The following ROBO2 variants were observed in gnomAD, a reference collection of about 807,000 sequenced individuals.
ROBO2 encodes the protein roundabout homolog 2.
Under a neutral mutation model 160.8 loss-of-function variants are expected in ROBO2, and 53 were observed. The observed-to-expected ratio is 0.33, with a 90% confidence interval of 0.26 to 0.41. The LOEUF (loss-of-function observed/expected upper bound fraction) is 0.41. Among genes scored for constraint, ROBO2 ranks in the 10% least tolerant of loss-of-function variants. ROBO2 has a pLI of 1.00. For synonymous variants in ROBO2, 664 were observed against 611.7 expected, an observed-to-expected ratio of 1.09 and a Z score of -1.26; for missense variants, 1,577 against 1,722.4, an observed-to-expected ratio of 0.92 and a Z score of 1.49.
At chr3:75,929,599 G>A (rs1273122254) in intron 1 of ROBO2, among the ~76,000 whole-genome samples, 1 of 151,850 alleles carries the variant, frequency 6.6e-6, no homozygotes, top group East Asian at 1.9e-4. Context: ...TCCCCTTCTT[G>A]CAAATTGTAC....
intron 16 of ROBO2, among the ~76,000 whole-genome samples, chr3:77,586,619 C>T (rs1332025231): frequency 2.0e-5 from 3 of 151,908 alleles, no homozygotes; most frequent in African/African-American, 7.2e-5. Flanking sequence ...TAGCAATACA[C>T]CTTGAGTAAC....
At chr3:77,439,991 A>C (rs1449163126) in intron 2 of ROBO2, among the ~76,000 whole-genome samples, 1 of 152,204 alleles carries the variant, frequency 6.6e-6, no homozygotes, top group Non-Finnish European at 1.5e-5. Flanking sequence ...CATAATATGC[A>C]AACAAAAAAT....
Position 77,521,681 on chromosome 3 carries a change from C to T in ROBO2, c.807-1094C>T, listed in dbSNP as rs1048393674. Among the ~76,000 whole-genome samples the T allele has an allele frequency of 3.3e-5, 5 of 151,212 alleles. No individual in the cohort carries two copies. In the East Asian group the frequency reaches 9.7e-4, roughly 29 times the overall value. ...GATTGGTAAATAGACAATGCTTTTT[C>T]TCATGTCAAGGTCTATAAATTAGGA... On this transcript the variant is annotated intron_variant, in intron 5 of 25. Coordinates refer to ENST00000461745, the Ensembl canonical transcript of ROBO2.
In ROBO2 at chr3:77,386,603, A is replaced by ATTTT. The variant is rs71104679; in HGVS notation, c.389-90797_389-90794dup. Among the ~76,000 whole-genome samples the ATTTT allele has an allele frequency of 1.6e-3, 150 of 91,898 alleles. 7 individuals are homozygous for ATTTT. Among genetic ancestry groups the ATTTT allele is most frequent in the Middle Eastern group, 8.2e-3 (1 of 122 alleles). The allele number at this position is 91,898 out of a possible 152,430, so 60.3% of individuals were successfully genotyped here. On this transcript the variant is annotated intron_variant, in intron 2 of 25. Transcript: ENST00000461745. ...AGTTAATTATTTTTTCAGCCAGGTA[A>ATTTT]TTTTTTTTTTTTTTTTTGAAATAGA...
At chr3:75,907,541 C>T (rs1237581747) in intron 1 of ROBO2, among the ~76,000 whole-genome samples, 1 of 152,074 alleles carries the variant, frequency 6.6e-6, no homozygotes, top group Non-Finnish European at 1.5e-5. Flanking sequence ...TGAGATGTGA[C>T]GGCAATATAG....
intron 2 of ROBO2, among the ~76,000 whole-genome samples, chr3:76,938,307 CTG>C (rs1577647315): frequency 6.6e-6 from 1 of 151,894 alleles, no homozygotes; most frequent in East Asian, 1.9e-4. Context: ...TGAGCCGAGA[CTG>C]TGCTTCTGCA....
chr3:76,762,008 AAC>A (rs2061333897), intron 2 of ROBO2, among the ~76,000 whole-genome samples: 1 of 66,478 alleles, frequency 1.5e-5, no homozygotes, highest in African/African-American at 5.5e-5. Flanking sequence ...AATAGAGAAA[AAC>A]AGTTTTTTTT....
intron 2 of ROBO2, among the ~76,000 whole-genome samples, chr3:77,463,726 G>A (rs562796250): frequency 9.9e-5 from 15 of 152,062 alleles, no homozygotes; most frequent in African/African-American, 3.1e-4. Flanking sequence ...GACTACAGGC[G>A]CACACCATTA....
chr3:75,947,899 C>G (rs1948377158), intron 2 of ROBO2, among the ~76,000 whole-genome samples: 1 of 151,944 alleles, frequency 6.6e-6, no homozygotes, highest in African/African-American at 2.4e-5. Flanking sequence ...TAGGGAAGAG[C>G]CAAATACTTC....
intron 2 of ROBO2, among the ~76,000 whole-genome samples, chr3:77,330,505 G>T (rs2065867934): frequency 1.3e-5 from 2 of 152,128 alleles, no homozygotes; most frequent in South Asian, 4.1e-4. Flanking sequence ...GCAACAGAGT[G>T]ATTTATTTAA....
At chr3:77,010,836 C>T (rs1428264155) in intron 2 of ROBO2, among the ~76,000 whole-genome samples, 8 of 64,090 alleles carry the variant, frequency 1.2e-4, no homozygotes, top group South Asian at 8.3e-4. Context: ...CTTCCTTCCT[C>T]CCTCCCTCCC....
At chr3:77,193,930 C>G (rs2082098443) in intron 2 of ROBO2, among the ~76,000 whole-genome samples, 1 of 150,274 alleles carries the variant, frequency 6.7e-6, no homozygotes, top group African/African-American at 2.4e-5. Flanking sequence ...AAGTATTCAT[C>G]TGTTTTTTAA....
chr3:76,004,609 G>A (rs1415817349), intron 2 of ROBO2, among the ~76,000 whole-genome samples: 1 of 152,028 alleles, frequency 6.6e-6, no homozygotes, highest in Admixed American at 6.6e-5. Context: ...TAGAAGGATG[G>A]GATATCTCCG....
At chr3:76,536,572 G>A (rs1263163479) in intron 2 of ROBO2, among the ~76,000 whole-genome samples, 1 of 152,026 alleles carries the variant, frequency 6.6e-6, no homozygotes, top group African/African-American at 2.4e-5. Flanking sequence ...AAGAGACCAT[G>A]TAATCTCACC....
rs770905306 is a variant in ROBO2, at chr3:77,514,531, A to C, written c.807-8244A>C. Among the ~76,000 whole-genome samples, 4 of 151,912 alleles carry C rather than the reference A, an allele frequency of 2.6e-5. No individual in the cohort carries two copies. In the East Asian group the frequency reaches 5.8e-4, roughly 22 times the overall value. On this transcript the variant is annotated intron_variant, in intron 5 of 25. Transcript: ENST00000461745. ...GTTAGAAAAATAAATGTACTTATAAAGAGTTCCAGTCACTTCATAACTTGA... is the reference window on the plus strand; with the variant it reads ...GTTAGAAAAATAAATGTACTTATAACGAGTTCCAGTCACTTCATAACTTGA...
At chr3:76,277,363 T>C (rs891733473) in intron 2 of ROBO2, among the ~76,000 whole-genome samples, 1 of 152,016 alleles carries the variant, frequency 6.6e-6, no homozygotes, top group Non-Finnish European at 1.5e-5. Flanking sequence ...ATTACAAGGT[T>C]ACAGTATACT....
intron 2 of ROBO2, among the ~76,000 whole-genome samples, chr3:76,372,494 G>A (rs1223373245): frequency 6.6e-6 from 1 of 151,878 alleles, no homozygotes; most frequent in Non-Finnish European, 1.5e-5. Flanking sequence ...AATATTTGAC[G>A]TCTCCAACTC....
intron 1 of ROBO2, among the ~76,000 whole-genome samples, chr3:75,910,612 T>C (rs1946535609): frequency 6.6e-6 from 1 of 152,182 alleles, no homozygotes; most frequent in Admixed American, 6.5e-5. Context: ...TGAAATTTAA[T>C]GCAGAAAAAC....
chr3:76,662,895 T>C (rs1193276297), intron 2 of ROBO2, among the ~76,000 whole-genome samples: 2 of 152,044 alleles, frequency 1.3e-5, no homozygotes, highest in East Asian at 3.9e-4. Flanking sequence ...TCACCAGATG[T>C]TGAAGAAATT....
Sources: allele counts gnomAD v4.1 joint callset (sites outside exome capture counted in the v4.1 genomes callset), GRCh38; gene constraint gnomAD v4.1.1; transcripts MANE v1.5; gene names NCBI Gene and HGNC (gene_info 2026-07-23, HGNC 2026-07-21).